ACTL8: variants seen among roughly 807,000 people sequenced by gnomAD.
ACTL8 encodes the protein actin-like protein 8.
ACTL8 carries 3 observed loss-of-function variants against 9.3 expected under a neutral mutation model. The ratio of observed to expected loss-of-function variants is 0.32; its 90% confidence interval spans 0.15 to 0.83. ACTL8 has a LOEUF of 0.83. ACTL8 is among the 40% of genes least tolerant of loss of function. ACTL8 has a pLI of 0.57. For synonymous variants in ACTL8, 224 were observed against 205.9 expected (o/e 1.09, Z -0.75); for missense variants, 381 against 492.2 (o/e 0.77, Z 2.14).
chr1:17,762,108 C>T (rs2066010432), intron 1 of ACTL8, among the ~76,000 whole-genome samples: 2 of 152,066 alleles, frequency 1.3e-5, no homozygotes, highest in South Asian at 4.2e-4. Context: ...AATGTGGCCT[C>T]CTGGTAGCTG....
At chr1:17,785,057 C>T (rs953467429) in intron 1 of ACTL8, among the ~76,000 whole-genome samples, 14 of 151,320 alleles carry the variant, frequency 9.3e-5, no homozygotes, top group African/African-American at 3.4e-4. Flanking sequence ...TTCACTATCA[C>T]GGGAACAGCA....
intron 1 of ACTL8, among the ~76,000 whole-genome samples, chr1:17,762,979 C>T (rs995651884): frequency 5.3e-5 from 8 of 152,108 alleles, no homozygotes; most frequent in African/African-American, 4.8e-5. Flanking sequence ...ATTCCTCGTT[C>T]GCCTTTTGGG....
At chr1:17,802,891 A>G (rs970988354) in intron 1 of ACTL8, among the ~76,000 whole-genome samples, 6 of 152,190 alleles carry the variant, frequency 3.9e-5, no homozygotes, top group African/African-American at 1.2e-4. Context: ...AGGCTGAGGC[A>G]GGAGGATTGC....
At chr1:17,778,570 A>G (rs1428700778) in intron 1 of ACTL8, among the ~76,000 whole-genome samples, 1 of 152,194 alleles carries the variant, frequency 6.6e-6, no homozygotes, top group Non-Finnish European at 1.5e-5. Context: ...AAGCAGTAGT[A>G]AAAGAAAGAA....
intron 1 of ACTL8, among the ~76,000 whole-genome samples, chr1:17,809,648 T>C (rs563646707): frequency 6.6e-6 from 1 of 152,140 alleles, no homozygotes; most frequent in South Asian, 2.1e-4. Flanking sequence ...TGTTGTGAAC[T>C]GTGCATGTGA....
intron 1 of ACTL8, among the ~76,000 whole-genome samples, chr1:17,787,558 A>G (rs562145007): frequency 6.6e-6 from 1 of 152,080 alleles, no homozygotes; most frequent in Non-Finnish European, 1.5e-5. Context: ...CGTGAGCCAC[A>G]CCGCGCCAGG....
At chr1:17,802,942 G>A (rs1419928009) in intron 1 of ACTL8, among the ~76,000 whole-genome samples, 1 of 152,132 alleles carries the variant, frequency 6.6e-6, no homozygotes, top group Non-Finnish European at 1.5e-5. Flanking sequence ...CCGAGATCGT[G>A]CCATTGTACT....
Position 17,778,370 on chromosome 1 carries a change from G to T in ACTL8, c.-25+22866G>T, listed in dbSNP as rs542247658. ...CAGGGTGTCTTTCAGGATCCTGGGT[G>T]GGGGAGGGTATGAAGGGGCCCAAGC... On this transcript the variant is annotated intron_variant, in intron 1 of 2. Coordinates refer to ENST00000375406, the MANE Select transcript of ACTL8 (RefSeq NM_030812.3). Among the ~76,000 whole-genome samples, 21 of 152,106 alleles carry T rather than the reference G, an allele frequency of 1.4e-4. No homozygotes were observed. The East Asian group carries it at 1.5e-3, about 11-fold the overall frequency.
chr1:17,809,033 A>AC (rs1438489650), intron 1 of ACTL8, among the ~76,000 whole-genome samples: 1 of 152,186 alleles, frequency 6.6e-6, no homozygotes, highest in Non-Finnish European at 1.5e-5. Flanking sequence ...TTTTAGGGAC[A>AC]CGGGAGTGCA....
chr1:17,804,880 G>C (rs1370437936), intron 1 of ACTL8, among the ~76,000 whole-genome samples: 1 of 152,052 alleles, frequency 6.6e-6, no homozygotes, highest in Non-Finnish European at 1.5e-5. Context: ...CTCCCAAAGT[G>C]CTGGGATTAC....
At chr1:17,756,682 C>T (rs2065971115) in intron 1 of ACTL8, among the ~76,000 whole-genome samples, 1 of 152,030 alleles carries the variant, frequency 6.6e-6, no homozygotes, top group South Asian at 2.1e-4. Flanking sequence ...CACAGAGGTA[C>T]CATTTTGGGA....
At chr1:17,800,211 T>C (rs2066310704) in intron 1 of ACTL8, among the ~76,000 whole-genome samples, 1 of 152,196 alleles carries the variant, frequency 6.6e-6, no homozygotes, top group South Asian at 2.1e-4. Flanking sequence ...CAGTTTCCCT[T>C]TTGGGTCATT....
intron 1 of ACTL8, among the ~76,000 whole-genome samples, chr1:17,790,507 C>T (rs549728195): frequency 6.6e-5 from 10 of 152,228 alleles, no homozygotes; most frequent in Non-Finnish European, 1.5e-4. Flanking sequence ...TCTCTGCAGC[C>T]TGTTGTCCCG....
intron 1 of ACTL8, among the ~76,000 whole-genome samples, chr1:17,798,163 C>T (rs1475863012): frequency 2.6e-5 from 4 of 152,196 alleles, no homozygotes; most frequent in African/African-American, 4.8e-5. Context: ...TATGGGTCTG[C>T]GCAGTCATCA....
At chr1:17,782,527 CCTT>C (rs965919906) in intron 1 of ACTL8, among the ~76,000 whole-genome samples, 5 of 152,100 alleles carry the variant, frequency 3.3e-5, no homozygotes, top group Non-Finnish European at 7.3e-5. Flanking sequence ...ACCTTCTGAA[CCTT>C]CTTCTCTGTA....
intron 1 of ACTL8, among the ~76,000 whole-genome samples, chr1:17,790,528 A>C (rs2066231539): frequency 6.6e-6 from 1 of 152,178 alleles, no homozygotes; most frequent in South Asian, 2.1e-4. Flanking sequence ...ATGTCTGCTC[A>C]GCTCTGGCTG....
chr1:17,826,621 G>T lies in ACTL8; in HGVS notation c.*102G>T. On this transcript the variant is annotated 3_prime_UTR_variant, in exon 3 of 3. Transcript: ENST00000375406. The surrounding 1 kb of genome is among the most constrained non-coding windows in gnomAD (Gnocchi z 4.5). ...TGGGGGTAGAATGAGGTGGGGTGGG[G>T]TGAGCTGGCTTTGGAATTCTAGGGG... 1 of 1,236,948 alleles carries T rather than the reference G, an allele frequency of 8.1e-7. No individual in the cohort carries two copies. The highest frequency in any genetic ancestry group is 3.0e-5 in the Admixed American group (1 of 33,636). 76.6% of individuals were successfully genotyped at this position (1,236,948 alleles called of 1,614,324 possible). A position where few individuals can be genotyped will look rare whatever the true frequency, so the allele number is the denominator to read the frequency against.
intron 1 of ACTL8, among the ~76,000 whole-genome samples, chr1:17,792,329 A>G (rs2066245580): frequency 6.6e-6 from 1 of 152,294 alleles, no homozygotes; most frequent in Middle Eastern, 3.4e-3. Flanking sequence ...TCATAGGCCC[A>G]TGGCTGGTTT....
chr1:17,756,291 C>A (rs757178818), intron 1 of ACTL8, among the ~76,000 whole-genome samples: 43 of 151,862 alleles, frequency 2.8e-4, no homozygotes, highest in Non-Finnish European at 4.6e-4. Flanking sequence ...CTTTGGGGAA[C>A]CTATGAAAGC....
Sources: allele counts gnomAD v4.1 joint callset (sites outside exome capture counted in the v4.1 genomes callset), GRCh38; gene constraint gnomAD v4.1.1; non-coding constraint Gnocchi (gnomAD v3.1); transcripts MANE v1.5; gene names NCBI Gene and HGNC (gene_info 2026-07-23, HGNC 2026-07-21).